The following FHIT variants were observed in gnomAD, a reference collection of about 807,000 sequenced individuals.
FHIT encodes the protein bis(5'-adenosyl)-triphosphatase.
FHIT carries 19 observed loss-of-function variants against 17.9 expected under a neutral mutation model. The observed-to-expected ratio is 1.06, with a 90% CI of 0.74 to 1.56. FHIT has a LOEUF of 1.56. Ranked by LOEUF, FHIT falls within the 40% of genes most tolerant of loss-of-function variation. The probability of loss-of-function intolerance (pLI) is 0.00; values close to 1 mark genes in which losing one functional copy is unlikely to be tolerated. For synonymous variants in FHIT, 81 were observed against 69.7 expected, an observed-to-expected ratio of 1.16 and a Z score of -0.81; for missense variants, 248 against 189.2, an observed-to-expected ratio of 1.31 and a Z score of -1.82.
chr3:60,816,949 C>T (rs1255111441), intron 4 of FHIT, among the ~76,000 whole-genome samples: 1 of 151,872 alleles, frequency 6.6e-6, no homozygotes, highest in East Asian at 1.9e-4. Flanking sequence ...GTTTGCTCCT[C>T]CACTTCTTGT....
At chr3:60,461,539 G>A (rs1254814809) in intron 5 of FHIT, among the ~76,000 whole-genome samples, 3 of 152,142 alleles carry the variant, frequency 2.0e-5, no homozygotes, top group Non-Finnish European at 4.4e-5. Context: ...AAAATCATAG[G>A]CTATGCCGAA....
intron 3 of FHIT, among the ~76,000 whole-genome samples, chr3:60,894,757 A>G (rs545196377): frequency 1.3e-5 from 2 of 152,196 alleles, no homozygotes; most frequent in Non-Finnish European, 2.9e-5. Flanking sequence ...TGCAAGAATC[A>G]TATCATGAAC....
intron 3 of FHIT, among the ~76,000 whole-genome samples, chr3:60,938,547 T>C (rs1427363836): frequency 6.6e-6 from 1 of 152,190 alleles, no homozygotes; most frequent in Non-Finnish European, 1.5e-5. Context: ...ATTCCCTTCC[T>C]GTAAATGTCT....
chr3:59,776,112 G>A (rs1266859298), intron 8 of FHIT, among the ~76,000 whole-genome samples: 3 of 152,226 alleles, frequency 2.0e-5, no homozygotes, highest in Non-Finnish European at 4.4e-5. Context: ...CCTGAAAACT[G>A]TATTCCTGCT....
In FHIT at chr3:60,115,138, A is replaced by T. The variant is rs962236378; in HGVS notation, c.104-100986T>A. On this transcript the variant is annotated intron_variant, in intron 5 of 9. Coordinates refer to ENST00000492590, the MANE Select transcript of FHIT (RefSeq NM_002012.4). The stretch of plus-strand genomic sequence containing the variant: ...ATTAAAATAGATTTTAAGTATAAAG[A>T]TCTTAAAACAAAATGACAAAGGAAA... Among the ~76,000 whole-genome samples the T allele has an allele frequency of 1.2e-4, 19 of 152,208 alleles. 1 individual carries two copies. The highest frequency in any genetic ancestry group is 1.5e-5 in the Non-Finnish European group (1 of 68,034).
intron 4 of FHIT, among the ~76,000 whole-genome samples, chr3:60,804,866 C>T (rs561175808): frequency 8.4e-4 from 128 of 152,330 alleles, no homozygotes; most frequent in African/African-American, 2.8e-3. Flanking sequence ...CTCTGCCATC[C>T]CAGCTGCCAT....
At chr3:60,079,614 CTTAT>C (rs1243443179) in intron 5 of FHIT, among the ~76,000 whole-genome samples, 1 of 151,972 alleles carries the variant, frequency 6.6e-6, no homozygotes, top group Non-Finnish European at 1.5e-5. Flanking sequence ...CCTACCTTCT[CTTAT>C]TTTTTTGTTT....
intron 3 of FHIT, among the ~76,000 whole-genome samples, chr3:60,911,776 C>T (rs1338568299): frequency 2.0e-5 from 3 of 152,164 alleles, no homozygotes; most frequent in Non-Finnish European, 4.4e-5. Flanking sequence ...GTAGTAGCTT[C>T]TGTCTGACAA....
chr3:60,909,808 C>G (rs1189067400), intron 3 of FHIT, among the ~76,000 whole-genome samples: 2 of 152,064 alleles, frequency 1.3e-5, no homozygotes, highest in African/African-American at 4.8e-5. Context: ...TTGCCTAGTA[C>G]CTTTCATTTA....
chr3:60,966,008 T>C (rs1709720283), intron 3 of FHIT, among the ~76,000 whole-genome samples: 1 of 152,148 alleles, frequency 6.6e-6, no homozygotes, highest in Non-Finnish European at 1.5e-5. Context: ...TTCTGCTGCC[T>C]TTTTTTCAGC....
chr3:59,837,227 A>T (rs1223258737), intron 8 of FHIT, among the ~76,000 whole-genome samples: 1 of 152,142 alleles, frequency 6.6e-6, no homozygotes, highest in Non-Finnish European at 1.5e-5. Context: ...ATCCCTTGGT[A>T]TCTATGGGAA....
chr3:60,828,843 A>C (rs1216048608), intron 3 of FHIT, among the ~76,000 whole-genome samples: 1 of 152,134 alleles, frequency 6.6e-6, no homozygotes, highest in East Asian at 1.9e-4. Flanking sequence ...GTGCCACTGA[A>C]CTCCAGCCTG....
Position 60,808,362 on chromosome 3 carries a change from T to C in FHIT, c.-18+13557A>G, listed in dbSNP as rs79678515. Among the ~76,000 whole-genome samples, 879 of 152,344 alleles carry C rather than the reference T, an allele frequency of 5.8e-3. 3 individuals are homozygous for C. The highest frequency in any genetic ancestry group is 8.6e-3 in the Non-Finnish European group (587 of 68,032). On this transcript the variant is annotated intron_variant, in intron 4 of 9. Coordinates refer to ENST00000492590, the MANE Select transcript of FHIT (RefSeq NM_002012.4). ...GCATATATTTTGATAATCTTGTCTA[T>C]GAGAATGAACCCTAGGACAATTAAA... is the stretch of plus-strand genomic sequence containing the variant.
At chr3:61,147,898 T>A (rs2037273075) in intron 2 of FHIT, among the ~76,000 whole-genome samples, 1 of 152,028 alleles carries the variant, frequency 6.6e-6, no homozygotes, top group Non-Finnish European at 1.5e-5. Flanking sequence ...TTGGCCAGTA[T>A]ATTCATGATA....
intron 8 of FHIT, among the ~76,000 whole-genome samples, chr3:59,775,302 C>T (rs976202620): frequency 6.6e-6 from 1 of 152,152 alleles, no homozygotes; most frequent in African/African-American, 2.4e-5. Flanking sequence ...CCTCTCTGCA[C>T]AGAAATCTGC....
chr3:61,123,545 A>G (rs1457795144), intron 2 of FHIT, among the ~76,000 whole-genome samples: 4 of 139,724 alleles, frequency 2.9e-5, no homozygotes, highest in Non-Finnish European at 6.2e-5. Flanking sequence ...TTTTTCAAAA[A>G]TTGTATTAAG....
At chr3:59,952,051 A>C (rs1274722724) in intron 7 of FHIT, among the ~76,000 whole-genome samples, 6 of 152,108 alleles carry the variant, frequency 3.9e-5, no homozygotes, top group Non-Finnish European at 7.4e-5. Context: ...CATCCTGGGC[A>C]CCTAAAGGGG....
chr3:61,025,536 A>T (rs1000324036), intron 3 of FHIT, among the ~76,000 whole-genome samples: 1 of 152,022 alleles, frequency 6.6e-6, no homozygotes, highest in African/African-American at 2.4e-5. Context: ...TCAACAAGGC[A>T]CTAACAGAAT....
chr3:60,227,527 G>A (rs543856959), intron 5 of FHIT, among the ~76,000 whole-genome samples: 6 of 152,208 alleles, frequency 3.9e-5, no homozygotes, highest in African/African-American at 1.4e-4. Flanking sequence ...TGTGACACCT[G>A]TATTTTTTTC....
Sources: gnomAD v4.1 joint callset for allele counts (sites outside exome capture counted in the v4.1 genomes callset) on GRCh38, gnomAD v4.1.1 for gene constraint, MANE v1.5 for transcripts, NCBI Gene and HGNC (gene_info 2026-07-23, HGNC 2026-07-21) for gene names.